FARP2: variants seen among roughly 807,000 people sequenced by gnomAD.
The protein encoded by FARP2 is FERM, ARH/RhoGEF and pleckstrin domain protein 2.
Under a neutral mutation model 130.5 loss-of-function variants are expected in FARP2, and 111 were observed. The ratio of observed to expected loss-of-function variants is 0.85; its 90% confidence interval spans 0.73 to 1.00. The LOEUF is 1.00. FARP2 is among the 50% of genes least tolerant of loss of function. FARP2 has a pLI of 0.00. For synonymous variants in FARP2, 504 were observed against 516.9 expected (o/e 0.98, Z 0.34); for missense variants, 1,385 against 1,346.3 (o/e 1.03, Z -0.45).
At chr2:241,421,883 C>T (rs62193255) in intron 8 of FARP2, among the ~76,000 whole-genome samples, 16,748 of 152,186 alleles carry the variant, frequency 0.11, 1,179 homozygotes, top group Non-Finnish European at 0.15. Flanking sequence ...GTGGCTCACA[C>T]CTGTAATCCC....
chr2:241,466,968 C>G (rs1462758910), intron 17 of FARP2, among the ~76,000 whole-genome samples: 1 of 151,344 alleles, frequency 6.6e-6, no homozygotes, highest in Non-Finnish European at 1.5e-5. Flanking sequence ...AAAATGTAAC[C>G]CTTTAGCTGA....
intron 22 of FARP2, 99 bp downstream of exon 22, chr2:241,490,143 T>G (rs1304493750): frequency 1.2e-6 from 1 of 823,792 alleles, no homozygotes; most frequent in Non-Finnish European, 2.1e-6. Flanking sequence ...TGAGGAGCCA[T>G]GTAGCCTCAT....
chr2:241,398,083 G>A (rs1246414138), intron 2 of FARP2, among the ~76,000 whole-genome samples: 3 of 151,590 alleles, frequency 2.0e-5, no homozygotes, highest in African/African-American at 7.3e-5. Flanking sequence ...CGCCCGCCTC[G>A]GCCTCCCAAA....
chr2:241,407,486 A>G (rs761808498), intron 4 of FARP2, 51 bp from the exon 5 acceptor site: 3 of 1,319,104 alleles, frequency 2.3e-6, no homozygotes, highest in Non-Finnish European at 2.2e-6. Flanking sequence ...TGAAAAGAGA[A>G]TAAATGCAAA....
At position 241,456,830 on chromosome 2, in the gene FARP2, G is replaced by A; in HGVS notation, c.1495G>A (p.Gly499Ser). The stretch of plus-strand genomic sequence containing the variant: ...GAGCCCTGCATTTCAGGTGCCTTTG[G>A]GCCCAGCTGAACAGGGCTCATCCCC... ...SLSPAFQVPL[G>S]PAEQGSSPLL... The change falls in exon 14 of 27, where the codon GGC becomes AGC. Residue 499 changes from glycine (G) to serine (S), a missense_variant. Gly to Ser is a moderately conservative substitution (Grantham distance 56). Coordinates refer to ENST00000264042, the MANE Select transcript of FARP2 (RefSeq NM_014808.4). The A allele has an allele frequency of 6.2e-7, 1 of 1,614,058 alleles. No individual in the cohort carries two copies. The highest frequency in any genetic ancestry group is 8.5e-7 in the Non-Finnish European group (1 of 1,179,988).
At chr2:241,481,056 CAAAAAAAA>C (rs34996407) in intron 19 of FARP2, among the ~76,000 whole-genome samples, 44 of 105,176 alleles carry the variant, frequency 4.2e-4, no homozygotes, top group Middle Eastern at 5.3e-3. Flanking sequence ...TTGTCTCTAC[CAAAAAAAA>C]AAAAAAAAAA....
intron 8 of FARP2, among the ~76,000 whole-genome samples, chr2:241,431,085 A>G (rs778570298): frequency 2.0e-5 from 3 of 152,174 alleles, no homozygotes; most frequent in Non-Finnish European, 4.4e-5. Flanking sequence ...GAGGAGAGAT[A>G]CAAGTCCCAG....
chr2:241,361,886 T>A (rs762457917), intron 1 of FARP2, among the ~76,000 whole-genome samples: 5 of 151,474 alleles, frequency 3.3e-5, no homozygotes, highest in East Asian at 1.9e-4. Context: ...TATTATTATT[T>A]TTATTTTTTA....
intron 8 of FARP2, among the ~76,000 whole-genome samples, chr2:241,423,422 A>G (rs1194020570): frequency 6.6e-6 from 1 of 152,210 alleles, no homozygotes; most frequent in Non-Finnish European, 1.5e-5. Flanking sequence ...TAGGGAATTC[A>G]TCACCACCAG....
chr2:241,481,718 TG>T (rs1234450557), intron 19 of FARP2, among the ~76,000 whole-genome samples: 1 of 152,106 alleles, frequency 6.6e-6, no homozygotes, highest in East Asian at 1.9e-4. Flanking sequence ...CCCAGGGAAC[TG>T]TCACTGGGTC....
chr2:241,419,980 T>C (rs1168103150), intron 8 of FARP2, among the ~76,000 whole-genome samples: 2 of 152,072 alleles, frequency 1.3e-5, no homozygotes, highest in Non-Finnish European at 2.9e-5. Context: ...AGAAACCTCA[T>C]CTCTACTAAA....
chr2:241,441,836 CCTT>C (rs1233849362), intron 13 of FARP2: 27 of 538,742 alleles, frequency 5.0e-5, no homozygotes, highest in Non-Finnish European at 2.0e-5. Context: ...GCAGACATCT[CCTT>C]CTTTGCTGGA....
intron 13 of FARP2, among the ~76,000 whole-genome samples, chr2:241,448,448 C>T (rs1321027696): frequency 1.3e-5 from 2 of 152,220 alleles, no homozygotes; most frequent in Non-Finnish European, 2.9e-5. Context: ...AACTATCACC[C>T]TTTATTTAGT....
intron 23 of FARP2, 117 bp downstream of exon 23, chr2:241,491,296 C>G: frequency 1.1e-6 from 1 of 894,222 alleles, no homozygotes; most frequent in Non-Finnish European, 1.8e-6. Context: ...TCCCCTTCCA[C>G]AAGGAATGTT....
At chr2:241,423,707 T>A (rs1411223433) in intron 8 of FARP2, among the ~76,000 whole-genome samples, 1 of 152,082 alleles carries the variant, frequency 6.6e-6, no homozygotes, top group Non-Finnish European at 1.5e-5. Context: ...TATGCTGTCT[T>A]CAAGAGACCT....
At chr2:241,366,134 TATATACACACAC>T (rs1559702307) in intron 1 of FARP2, among the ~76,000 whole-genome samples, 1 of 74,488 alleles carries the variant, frequency 1.3e-5, no homozygotes, top group African/African-American at 4.0e-5. Flanking sequence ...TATATATATA[TATATACACACAC>T]ACATATATAT....
intron 8 of FARP2, among the ~76,000 whole-genome samples, chr2:241,421,560 G>A (rs1238648710): frequency 6.6e-6 from 1 of 152,200 alleles, no homozygotes; most frequent in East Asian, 1.9e-4. Context: ...TGGCTTTGGA[G>A]TCTGGATAAG....
chr2:241,463,309 C>T, intron 15 of FARP2, 26 bp from the exon 16 acceptor site: 1 of 1,609,258 alleles, frequency 6.2e-7, no homozygotes, highest in Non-Finnish European at 8.5e-7. Context: ...AGCCACACCT[C>T]CCATCACACC....
intron 5 of FARP2, among the ~76,000 whole-genome samples, chr2:241,409,813 T>G (rs1280635587): frequency 6.6e-6 from 1 of 152,232 alleles, no homozygotes. Context: ...TAAATTAGGC[T>G]GTAACATAAT....
Sources: gnomAD v4.1 joint callset for allele counts (sites outside exome capture counted in the v4.1 genomes callset) on GRCh38, gnomAD v4.1.1 for gene constraint, MANE v1.5 for transcripts, NCBI Gene and HGNC (gene_info 2026-07-23, HGNC 2026-07-21) for gene names.